WDPCP: variants seen among roughly 807,000 people sequenced by gnomAD.
WDPCP encodes the protein WD repeat-containing and planar cell polarity effector protein fritz homolog.
WDPCP carries 71 observed loss-of-function variants against 93.1 expected under a neutral mutation model. That is an observed-to-expected ratio of 0.76 (90% CI 0.63 to 0.93). The LOEUF (loss-of-function observed/expected upper bound fraction) is 0.93, where lower values mean the gene tolerates loss of function less well. Ranked by LOEUF, WDPCP falls within the 40% of genes least tolerant of loss-of-function variation. The pLI, the probability that WDPCP is intolerant of heterozygous loss-of-function variation, is 0.00. For missense variants in WDPCP, 844 were observed against 887.4 expected (o/e 0.95, Z 0.62); for synonymous variants, 315 against 315.0 (o/e 1.00, Z 0.00).
rs184034906 is a variant in WDPCP, at chr2:63,472,762, A to T, written c.384+11842T>A. ...TTTAGTAGAGACAGGGTTTTGCCACATTGGCCAGGCTGGTCTGGAACTCCT... is the reference window on the plus strand; with the variant it reads ...TTTAGTAGAGACAGGGTTTTGCCACTTTGGCCAGGCTGGTCTGGAACTCCT... On this transcript the variant is annotated intron_variant, in intron 6 of 17. Coordinates refer to ENST00000272321, the MANE Select transcript of WDPCP (RefSeq NM_015910.7). 1.9e-4 allele frequency among the ~76,000 whole-genome samples: 29 copies of T among 152,010 alleles called. No individual in the cohort carries two copies. The East Asian group carries it at 5.0e-3, about 26-fold the overall frequency.
intron 13 of WDPCP, among the ~76,000 whole-genome samples, chr2:63,289,035 A>G (rs1204057159): frequency 1.3e-5 from 2 of 152,070 alleles, no homozygotes; most frequent in Non-Finnish European, 2.9e-5. Flanking sequence ...ATTATTGACG[A>G]TATAAATATA....
chr2:63,654,834 T>A (rs1710147321), intron 2 of WDPCP, among the ~76,000 whole-genome samples: 1 of 55,364 alleles, frequency 1.8e-5, no homozygotes, highest in Non-Finnish European at 3.0e-5. Flanking sequence ...TTGTATATTT[T>A]TATTTTTTTT....
At chr2:63,552,433 G>A (rs1705747534) in intron 1 of WDPCP, among the ~76,000 whole-genome samples, 1 of 152,040 alleles carries the variant, frequency 6.6e-6, no homozygotes, top group Non-Finnish European at 1.5e-5. Flanking sequence ...AAAGATATCT[G>A]CATTTTAAAA....
intron 1 of WDPCP, among the ~76,000 whole-genome samples, chr2:63,575,488 T>C (rs13411229): frequency 0.27 from 3,330 of 12,302 alleles, 482 homozygotes; most frequent in Middle Eastern, 0.41. Context: ...AGTGTATATA[T>C]AGTATATACA....
At chr2:63,284,256 T>A (rs1253719810) in intron 13 of WDPCP, among the ~76,000 whole-genome samples, 1 of 152,220 alleles carries the variant, frequency 6.6e-6, no homozygotes, top group African/African-American at 2.4e-5. Flanking sequence ...AGCAGATGGT[T>A]ATAACTTAAA....
chr2:63,575,347 A>G (rs1707856320), intron 1 of WDPCP, among the ~76,000 whole-genome samples: 1 of 137,320 alleles, frequency 7.3e-6, no homozygotes, highest in Non-Finnish European at 1.6e-5. Flanking sequence ...TATATACTGT[A>G]TATGGTATAT....
chr2:63,622,069 T>A (rs1200148310), intron 3 of WDPCP: 3 of 511,340 alleles, frequency 5.9e-6, no homozygotes, highest in Non-Finnish European at 8.1e-6. Context: ...CTTTTTTCTT[T>A]TTTTTTTTTT....
At position 63,323,329 on chromosome 2, in the gene WDPCP, A is replaced by C. The variant is rs112414703; in HGVS notation, c.1749-10018T>G. Among the ~76,000 whole-genome samples, 748 of 152,268 alleles carry C rather than the reference A, an allele frequency of 4.9e-3. 6 individuals are homozygous for C. Among genetic ancestry groups the C allele is most frequent in the African/African-American group, 0.017 (714 of 41,548 alleles). On this transcript the variant is annotated intron_variant, in intron 12 of 17. Coordinates refer to ENST00000272321, the MANE Select transcript of WDPCP (RefSeq NM_015910.7). Reference sequence around the variant, plus strand: ...AGTTTCTCCTATAAGAATGATTTCTAGTATAAATTTGGGATTCTGTTACCT... The same window carrying C: ...AGTTTCTCCTATAAGAATGATTTCTCGTATAAATTTGGGATTCTGTTACCT...
At chr2:63,606,936 G>A in intron 3 of WDPCP, 1 of 1,612,836 alleles carries the variant, frequency 6.2e-7, no homozygotes, top group South Asian at 1.1e-5. Context: ...TTACTGCAAA[G>A]GAACTGACAG....
chr2:63,303,015 G>A (rs1230140695), intron 13 of WDPCP, among the ~76,000 whole-genome samples: 1 of 152,204 alleles, frequency 6.6e-6, no homozygotes, highest in Admixed American at 6.5e-5. Context: ...TTTCTGAGTG[G>A]GGTCAGGGTA....
At chr2:63,809,273 C>A (rs1024828919) in intron 2 of WDPCP, among the ~76,000 whole-genome samples, 1 of 149,992 alleles carries the variant, frequency 6.7e-6, no homozygotes, top group African/African-American at 2.5e-5. Flanking sequence ...CCAGCCGCCC[C>A]ATCCGGGAGG....
At chr2:63,721,220 C>T (rs1029264780) in intron 2 of WDPCP, among the ~76,000 whole-genome samples, 2 of 152,232 alleles carry the variant, frequency 1.3e-5, no homozygotes, top group African/African-American at 4.8e-5. Flanking sequence ...GTTTGCAAAT[C>T]TACAAAATGA....
intron 6 of WDPCP, among the ~76,000 whole-genome samples, chr2:63,481,024 TCAAA>T (rs1366340453): frequency 6.6e-6 from 1 of 151,472 alleles, no homozygotes; most frequent in Non-Finnish European, 1.5e-5. Context: ...TACAATGAAC[TCAAA>T]CAAATCAGTA....
In WDPCP at chr2:63,404,505, G is replaced by A; in HGVS notation, c.978C>T (p.Ile326=). The A allele has an allele frequency of 6.2e-7, 1 of 1,613,888 alleles. No homozygotes were observed. The highest frequency in any genetic ancestry group is 1.3e-5 in the African/African-American group (1 of 75,030). ...GTATTCTGGTGACTGACACACACTGGATTTTATTCCGAATGCATTCATAGA... is the reference window on the plus strand; with the variant it reads ...GTATTCTGGTGACTGACACACACTGAATTTTATTCCGAATGCATTCATAGA... ...SCIYECIRNK[I]QCVSVTRIPL... is the part of the protein sequence containing the mutation. The change falls in exon 10 of 18, where the codon ATC becomes ATT. Residue 326 remains isoleucine, a synonymous_variant. Transcript: ENST00000272321.
At chr2:63,688,394 T>C (rs1032317255) in intron 2 of WDPCP, among the ~76,000 whole-genome samples, 4 of 150,662 alleles carry the variant, frequency 2.7e-5, no homozygotes, top group African/African-American at 7.3e-5. Context: ...TCCACTGTAG[T>C]CCAGCCTGAG....
At chr2:63,559,228 C>G (rs1344951706) in intron 1 of WDPCP, among the ~76,000 whole-genome samples, 3 of 152,080 alleles carry the variant, frequency 2.0e-5, no homozygotes, top group African/African-American at 4.8e-5. Context: ...ATTCAACATC[C>G]CTTCATGTTA....
At chr2:63,321,118 G>C (rs1443466679) in intron 12 of WDPCP, among the ~76,000 whole-genome samples, 2 of 152,064 alleles carry the variant, frequency 1.3e-5, no homozygotes, top group South Asian at 4.2e-4. Context: ...TCATGACTGT[G>C]AGTGTCTTAA....
At chr2:63,309,259 A>G (rs911274989) in intron 13 of WDPCP, among the ~76,000 whole-genome samples, 3 of 152,242 alleles carry the variant, frequency 2.0e-5, no homozygotes, top group Middle Eastern at 3.2e-3. Flanking sequence ...AAAACTAAAA[A>G]AAGTTAAAAG....
At chr2:63,561,608 G>A (rs1406567551) in intron 1 of WDPCP, among the ~76,000 whole-genome samples, 1 of 151,932 alleles carries the variant, frequency 6.6e-6, no homozygotes, top group East Asian at 1.9e-4. Flanking sequence ...TACAGAATGG[G>A]AAAAGTTTGC....
Sources: gnomAD v4.1 joint callset for allele counts (sites outside exome capture counted in the v4.1 genomes callset) on GRCh38, gnomAD v4.1.1 for gene constraint, MANE v1.5 for transcripts, NCBI Gene and HGNC (gene_info 2026-07-23, HGNC 2026-07-21) for gene names.